STARD13: variants seen among roughly 807,000 people sequenced by gnomAD.
STARD13 encodes the protein stAR-related lipid transfer protein 13.
In STARD13, 62 loss-of-function variants were observed where a neutral mutation model predicts 106.4. The observed-to-expected ratio is 0.58, with a 90% CI of 0.48 to 0.72. The LOEUF is 0.72. Ranked by LOEUF, STARD13 falls within the 30% of genes least tolerant of loss-of-function variation. STARD13 has a pLI of 0.00. For missense variants in STARD13, 1,387 were observed against 1,424.0 expected (o/e 0.97, Z 0.42); for synonymous variants, 565 against 553.0 (o/e 1.02, Z -0.31).
At chr13:33,370,684 C>G in the STARD13 span, among the ~76,000 whole-genome samples, 1 of 146,778 alleles carries the variant, frequency 6.8e-6, no homozygotes, top group South Asian at 2.1e-4. Context: ...AGTGGCGCAA[C>G]CTTGGCTGAC....
the STARD13 span, among the ~76,000 whole-genome samples, chr13:33,418,308 T>G: frequency 6.6e-6 from 1 of 152,230 alleles, no homozygotes. Flanking sequence ...GCTTGGCAGG[T>G]CCCACGCCCA....
At chr13:33,356,021 T>C in the STARD13 span, among the ~76,000 whole-genome samples, 5 of 152,258 alleles carry the variant, frequency 3.3e-5, no homozygotes, top group Non-Finnish European at 4.4e-5. Context: ...ATGCTTTGAA[T>C]CTTCAGGCTC....
At chr13:33,131,589 A>G (rs1878303864) in intron 4 of STARD13, among the ~76,000 whole-genome samples, 1 of 152,234 alleles carries the variant, frequency 6.6e-6, no homozygotes. Context: ...TCTCAAAAAA[A>G]TAAAAAAGAG....
intron 1 of STARD13, among the ~76,000 whole-genome samples, chr13:33,192,688 C>T (rs76989522): frequency 0.1 from 15,796 of 152,112 alleles, 966 homozygotes; most frequent in East Asian, 0.31. Flanking sequence ...CACCTGAGGT[C>T]GGGAGTTCAA....
Position 33,110,883 on chromosome 13 carries a change from A to G in STARD13, c.2632T>C (p.Ser878Pro). The G allele has an allele frequency of 1.9e-6, 3 of 1,613,360 alleles. No individual in the cohort carries two copies. Among genetic ancestry groups the G allele is most frequent in the Non-Finnish European group, 2.5e-6 (3 of 1,180,012 alleles). ...FEVPHELVAQ[S>P]RNSYVEAEIH... Reference sequence around the variant, plus strand: ...TCAGCCTCCACATACGAGTTACGAGACTGGGCCACCAACTCGTGTGGAACC... The same window carrying G: ...TCAGCCTCCACATACGAGTTACGAGGCTGGGCCACCAACTCGTGTGGAACC... The change falls in exon 11 of 14, where the codon TCT becomes CCT. Residue 878 changes from serine (S) to proline (P), a missense_variant. By Grantham distance (74) the Ser-to-Pro change is moderately conservative. Transcript: ENST00000336934.
At chr13:33,559,027 A>G in the STARD13 span, among the ~76,000 whole-genome samples, 1 of 151,610 alleles carries the variant, frequency 6.6e-6, no homozygotes. Context: ...GGCATATGAT[A>G]GGCAGGTTTA....
At chr13:33,273,771 G>C (rs1891276526) in intron 1 of STARD13, among the ~76,000 whole-genome samples, 1 of 152,174 alleles carries the variant, frequency 6.6e-6, no homozygotes, top group Non-Finnish European at 1.5e-5. Context: ...GCATTGTACA[G>C]CACTTTTTTT....
chr13:33,414,047 A>AAAAAAAAAAAAAAAAAAAAAAAAAAG, the STARD13 span, among the ~76,000 whole-genome samples: 2 of 143,704 alleles, frequency 1.4e-5, no homozygotes, highest in South Asian at 2.2e-4. Context: ...AAAAAAAAAA[A>AAAAAAAAAAAAAAAAAAAAAAAAAAG]AAAGAAAAGA....
chr13:33,540,104 T>C, the STARD13 span, among the ~76,000 whole-genome samples: 2 of 152,208 alleles, frequency 1.3e-5, no homozygotes, highest in Non-Finnish European at 1.5e-5. Context: ...ACTATAGTAG[T>C]TCCCCCTTAG....
chr13:33,391,330 A>C, the STARD13 span, among the ~76,000 whole-genome samples: 1 of 152,176 alleles, frequency 6.6e-6, no homozygotes, highest in Non-Finnish European at 1.5e-5. Context: ...CACTGCATTT[A>C]CCAAAATCAT....
intron 1 of STARD13, among the ~76,000 whole-genome samples, chr13:33,319,308 T>C (rs1391908981): frequency 6.6e-6 from 1 of 152,178 alleles, no homozygotes; most frequent in East Asian, 1.9e-4. Context: ...CCACCTATTT[T>C]ATGATTCTAT....
chr13:33,305,656 C>T (rs987674555), intron 1 of STARD13, among the ~76,000 whole-genome samples: 1 of 152,172 alleles, frequency 6.6e-6, no homozygotes, highest in Admixed American at 6.5e-5. Flanking sequence ...CCTTGCCATC[C>T]ATTTGGCAAG....
chr13:33,618,733 CCCCATATTT>C, the STARD13 span, among the ~76,000 whole-genome samples: 1 of 151,980 alleles, frequency 6.6e-6, no homozygotes, highest in South Asian at 2.1e-4. Context: ...GTCAGATGAG[CCCCATATTT>C]GTCCTAGCTT....
At chr13:33,657,337 A>C in the STARD13 span, 4 of 152,072 alleles carry the variant, frequency 2.6e-5, no homozygotes, top group African/African-American at 9.7e-5. Context: ...TGATTCATTC[A>C]AAAAATACTT....
At chr13:33,230,996 G>A (rs1431315017) in intron 1 of STARD13, among the ~76,000 whole-genome samples, 1 of 152,202 alleles carries the variant, frequency 6.6e-6, no homozygotes, top group Non-Finnish European at 1.5e-5. Context: ...TTTCCAACTG[G>A]AGAGATTGGG....
intron 9 of STARD13, 90 bp downstream of exon 9, chr13:33,112,627 GTATC>G (rs999753928): frequency 4.9e-5 from 49 of 1,001,882 alleles, no homozygotes; most frequent in Admixed American, 9.3e-5. Context: ...ATATCCATTC[GTATC>G]TATCTATCCA....
chr13:33,130,467 A>G lies in STARD13; in HGVS notation c.388-178T>C, dbSNP rs1878124688. The stretch of plus-strand genomic sequence containing the variant: ...CCTTCTACCACTTGCACTGTCTTGT[A>G]CATACCCTTCCTCCCAGTGGCCAGA... On this transcript the variant is annotated intron_variant, in intron 4 of 13. Transcript: ENST00000336934. The surrounding 1 kb of genome is among the most constrained non-coding windows in gnomAD (Gnocchi z 4.1). Among the ~76,000 whole-genome samples the G allele has an allele frequency of 1.3e-5, 2 of 152,156 alleles. No individual in the cohort carries two copies. Among genetic ancestry groups the G allele is most frequent in the Admixed American group, 6.5e-5 (1 of 15,278 alleles).
At chr13:33,444,643 C>G in the STARD13 span, among the ~76,000 whole-genome samples, 94 of 152,226 alleles carry the variant, frequency 6.2e-4, no homozygotes, top group African/African-American at 2.2e-3. Flanking sequence ...TAGCTTACAT[C>G]TGTAATCCCA....
the STARD13 span, among the ~76,000 whole-genome samples, chr13:33,615,597 C>T: frequency 2.0e-5 from 3 of 152,150 alleles, no homozygotes; most frequent in African/African-American, 7.2e-5. Flanking sequence ...CCACCTGTTA[C>T]CGAGAAGAAA....
Sources: gnomAD v4.1 joint callset for allele counts (sites outside exome capture counted in the v4.1 genomes callset) on GRCh38, gnomAD v4.1.1 for gene constraint, Gnocchi (gnomAD v3.1) non-coding constraint, MANE v1.5 for transcripts, NCBI Gene and HGNC (gene_info 2026-07-23, HGNC 2026-07-21) for gene names.